Variants in DPP6 observed in about 807,000 individuals in gnomAD.
DPP6 encodes the protein dipeptidyl peptidase like 6.
DPP6 carries 69 observed loss-of-function variants against 122.6 expected under a neutral mutation model. The ratio of observed to expected loss-of-function variants is 0.56; its 90% CI spans 0.46 to 0.69. The LOEUF (loss-of-function observed/expected upper bound fraction) is 0.69, where lower values mean the gene tolerates loss of function less well. Among genes scored for constraint, DPP6 ranks in the 30% least tolerant of loss-of-function variants. The pLI, the probability that DPP6 is intolerant of heterozygous loss-of-function variation, is 0.00. For missense variants in DPP6, 928 were observed against 1,116.9 expected (o/e 0.83, Z 2.41); for synonymous variants, 418 against 433.1 (o/e 0.97, Z 0.43).
At chr7:154,650,299 T>C (rs987250777) in intron 6 of DPP6, among the ~76,000 whole-genome samples, 10 of 150,470 alleles carry the variant, frequency 6.6e-5, no homozygotes, top group Admixed American at 1.3e-4. Flanking sequence ...CACTCCAGCC[T>C]GGACAACAAA....
In DPP6 at chr7:154,052,752, G is replaced by T; in HGVS notation, c.-69G>T. On this transcript the variant is annotated 5_prime_UTR_variant, in exon 1 of 26. Transcript: ENST00000377770. The surrounding 1 kb of genome is among the most constrained non-coding windows in gnomAD (Gnocchi z 4.8). Reference sequence around the variant, plus strand: ...TTTTTTTAATCTGGAGCGGGGTGGGGAGTGGGAACCGGAGAGAAAGCAAAA... The same window carrying T: ...TTTTTTTAATCTGGAGCGGGGTGGGTAGTGGGAACCGGAGAGAAAGCAAAA... The T allele has an allele frequency of 1.5e-6, 2 of 1,378,170 alleles. No individual in the cohort carries two copies. Among genetic ancestry groups the T allele is most frequent in the Non-Finnish European group, 1.9e-6 (2 of 1,046,862 alleles). 85.4% of individuals were successfully genotyped at this position (1,378,170 alleles called of 1,614,324 possible).
chr7:154,022,024 A>T (rs986895137), intron 1 of DPP6, among the ~76,000 whole-genome samples: 2 of 152,092 alleles, frequency 1.3e-5, no homozygotes, highest in African/African-American at 4.8e-5. Flanking sequence ...ATCTAAGGGG[A>T]GGAGAATTCA....
chr7:154,434,267 T>C (rs988027693), intron 1 of DPP6, among the ~76,000 whole-genome samples: 3 of 152,218 alleles, frequency 2.0e-5, no homozygotes, highest in Non-Finnish European at 4.4e-5. Context: ...TATTTGGAAA[T>C]GTACCATGCT....
At chr7:154,375,853 A>G (rs1279992827) in intron 1 of DPP6, among the ~76,000 whole-genome samples, 1 of 152,228 alleles carries the variant, frequency 6.6e-6, no homozygotes, top group East Asian at 1.9e-4. Context: ...ACGCCCGCCA[A>G]CTTTGTAAAT....
chr7:154,200,228 A>G (rs1161695311), intron 1 of DPP6, among the ~76,000 whole-genome samples: 1 of 152,168 alleles, frequency 6.6e-6, no homozygotes, highest in East Asian at 1.9e-4. Flanking sequence ...TGCATAATCA[A>G]TGCATATAGT....
intron 9 of DPP6, among the ~76,000 whole-genome samples, chr7:154,770,437 T>A (rs1424721861): frequency 6.6e-6 from 1 of 152,158 alleles, no homozygotes; most frequent in Non-Finnish European, 1.5e-5. Flanking sequence ...AGATGAGATT[T>A]GGGTGGGGAC....
In DPP6 at chr7:154,803,941, G is replaced by T; in HGVS notation, c.1485G>T (p.Glu495Asp). 1 of 1,613,796 alleles carries T rather than the reference G, an allele frequency of 6.2e-7. No homozygotes were observed. The change falls in exon 14 of 26, where the codon GAG becomes GAT. Residue 495 changes from glutamate (E) to aspartate (D), a missense_variant. Transcript: ENST00000377770. ...TGACCAAGATCCTAGCCTACGATGA[G>T]AAGGGGAATAAGATGTGAGTGAGAA... ...WDVTKILAYD[E>D]KGNKIYFLST...
intron 1 of DPP6, among the ~76,000 whole-genome samples, chr7:154,207,432 T>C (rs1210012835): frequency 6.6e-6 from 1 of 152,268 alleles, no homozygotes; most frequent in African/African-American, 2.4e-5. Flanking sequence ...TTGTATTTAA[T>C]GTCTGTGCAC....
At chr7:154,283,078 T>C (rs183009053) in intron 1 of DPP6, among the ~76,000 whole-genome samples, 16 of 152,328 alleles carry the variant, frequency 1.1e-4, no homozygotes, top group Admixed American at 7.2e-4. Context: ...CAGAGTGATA[T>C]TGAGTGAGCC....
rs61038137 is a variant in DPP6 at position 154,483,401 on chromosome 7, T to TTTTA, written c.457+8364_457+8365insTTTA. 5.3e-5 allele frequency among the ~76,000 whole-genome samples: 8 copies of TTTTA among 151,362 alleles called. No homozygotes were observed. In the Middle Eastern group the frequency reaches 0.01, roughly 193 times the overall value. On this transcript the variant is annotated intron_variant, in intron 3 of 25. Coordinates refer to ENST00000377770, the MANE Select transcript of DPP6 (RefSeq NM_130797.4). This position sits in a 1 kb window ranked among gnomAD's most constrained non-coding sequence, Gnocchi z 8.1. ...AGGCACAATACAATTTTTTTTTTTT[T>TTTTA]AAAAGCATTTATTTGAGCAAACAGT...
intron 1 of DPP6, among the ~76,000 whole-genome samples, chr7:154,295,164 A>G (rs1304566681): frequency 6.6e-6 from 1 of 152,172 alleles, no homozygotes; most frequent in African/African-American, 2.4e-5. Context: ...GCATTTTAAA[A>G]CATGATTTTC....
At chr7:154,192,735 C>G (rs1798675525) in intron 1 of DPP6, among the ~76,000 whole-genome samples, 1 of 152,180 alleles carries the variant, frequency 6.6e-6, no homozygotes, top group Non-Finnish European at 1.5e-5. Context: ...ACAGTGTGGT[C>G]TGTGGAATAG....
At chr7:154,350,329 G>A (rs915730846) in intron 1 of DPP6, among the ~76,000 whole-genome samples, 2 of 152,154 alleles carry the variant, frequency 1.3e-5, no homozygotes, top group African/African-American at 2.4e-5. Flanking sequence ...GGGTGGGAGA[G>A]TGGTCTTCCA....
intron 1 of DPP6, among the ~76,000 whole-genome samples, chr7:153,910,952 C>T (rs1221536847): frequency 1.3e-5 from 2 of 152,172 alleles, no homozygotes; most frequent in Non-Finnish European, 2.9e-5. Context: ...ACTTGGCTTC[C>T]CTGCTTCCAC....
chr7:154,072,353 C>G (rs981041524), intron 1 of DPP6, among the ~76,000 whole-genome samples: 2 of 152,138 alleles, frequency 1.3e-5, no homozygotes, highest in African/African-American at 4.8e-5. Flanking sequence ...AGAGGTGTGA[C>G]CTTCCAGACC....
At chr7:154,477,962 T>G (rs1822898739) in intron 3 of DPP6, among the ~76,000 whole-genome samples, 1 of 152,118 alleles carries the variant, frequency 6.6e-6, no homozygotes, top group South Asian at 2.1e-4. Context: ...TTTTGGAACC[T>G]AATAATTCCA....
chr7:154,611,890 G>A (rs529894530), intron 5 of DPP6, among the ~76,000 whole-genome samples: 9 of 152,002 alleles, frequency 5.9e-5, no homozygotes, highest in African/African-American at 1.4e-4. Flanking sequence ...GTGTATGGGT[G>A]TATTTAGTTC....
intron 1 of DPP6, among the ~76,000 whole-genome samples, chr7:154,151,394 C>T (rs549533336): frequency 1.5e-4 from 23 of 152,316 alleles, no homozygotes; most frequent in African/African-American, 4.8e-4. Flanking sequence ...TTTGTCACTG[C>T]ATTCCTGTGC....
chr7:154,209,705 A>C (rs972737424), intron 1 of DPP6, among the ~76,000 whole-genome samples: 1 of 152,226 alleles, frequency 6.6e-6, no homozygotes, highest in African/African-American at 2.4e-5. Flanking sequence ...GTGAGTTCGG[A>C]AATTGCTTTT....
Sources: allele counts gnomAD v4.1 joint callset (sites outside exome capture counted in the v4.1 genomes callset), GRCh38; gene constraint gnomAD v4.1.1; non-coding constraint Gnocchi (gnomAD v3.1); transcripts MANE v1.5; gene names NCBI Gene and HGNC (gene_info 2026-07-23, HGNC 2026-07-21).